ECI1: variants seen among roughly 807,000 people sequenced by gnomAD.
The protein encoded by ECI1 is enoyl-CoA delta isomerase 1.
A neutral mutation model predicts 34.2 loss-of-function variants in ECI1; 34 were observed. That is an observed-to-expected ratio of 1.00 (90% CI 0.76 to 1.33). ECI1 has a LOEUF of 1.33. Among genes scored for constraint, ECI1 ranks in the 40% most tolerant of loss-of-function variants. The pLI, the probability that ECI1 is intolerant of heterozygous loss-of-function variation, is 0.00. For missense variants in ECI1, 456 were observed against 422.2 expected, an observed-to-expected ratio of 1.08 and a Z score of -0.70; for synonymous variants, 211 against 193.0, an observed-to-expected ratio of 1.09 and a Z score of -0.77.
In ECI1 at chr16:2,239,609, C is replaced by A; in HGVS notation, c.*370G>T. On this transcript the variant is annotated 3_prime_UTR_variant, in exon 7 of 7. Transcript: ENST00000301729. ...TGTGGGTCATGGGGGCCAAGACCAC[C>A]TGGCCTTACACCTAAGAGCAGGCAG... The A allele has an allele frequency of 2.8e-6, 1 of 353,792 alleles. No individual in the cohort carries two copies. Among genetic ancestry groups the A allele is most frequent in the South Asian group, 2.3e-5 (1 of 44,218 alleles). 21.9% of individuals were successfully genotyped at this position (353,792 alleles called of 1,614,324 possible).
intron 6 of ECI1, chr16:2,240,746 G>C (rs2141494234): frequency 6.5e-6 from 1 of 152,786 alleles, no homozygotes; most frequent in Middle Eastern, 3.4e-3. Context: ...ACCCAGGCTG[G>C]ACTACAGTGG....
At position 2,244,543 on chromosome 16, in the gene ECI1, C is replaced by A; in HGVS notation, c.304G>T (p.Gly102Cys). Residue 102 changes from glycine to cysteine, a missense_variant, in exon 4 of 7, where the codon GGT becomes TGT. By Grantham distance (159) the Gly-to-Cys change is radical. Transcript: ENST00000301729. ...RGVILTSDRP[G>C]VFSAGLDLTE... is the part of the protein sequence containing the mutation. Reference sequence around the variant, plus strand: ...AGGTCCAGGCCGGCCGAGAAGACACCCGGGCGGTCCTGCAGGGGGAGCCGG... The same window carrying A: ...AGGTCCAGGCCGGCCGAGAAGACACACGGGCGGTCCTGCAGGGGGAGCCGG... 6.3e-7 allele frequency: 1 copy of A among 1,586,234 alleles called. No individual in the cohort carries two copies. The highest frequency in any genetic ancestry group is 2.3e-5 in the East Asian group (1 of 43,458).
chr16:2,240,399 T>A, intron 6 of ECI1: 1 of 440,048 alleles, frequency 2.3e-6, no homozygotes, highest in Admixed American at 3.5e-5. Context: ...TTAGTAGAGA[T>A]GGGATTTCCT....
At chr16:2,247,654 T>C (rs1407660441) in intron 2 of ECI1, among the ~76,000 whole-genome samples, 1 of 152,198 alleles carries the variant, frequency 6.6e-6, no homozygotes, top group Non-Finnish European at 1.5e-5. Context: ...CGCCTCGGCC[T>C]CCCAAAGTGC....
rs1754565772 is a variant in ECI1, at chr16:2,243,116, G to A, written c.672C>T (p.Asp224=). ...GCACCTGCTCCTCCGGGACCACCTG[G>A]TCCACTATGCCCACCTGCAGGGCCT... ...PAEALQVGIV[D]QVVPEEQVQS... is the part of the protein sequence containing the mutation. The change falls in exon 6 of 7, where the codon GAC becomes GAT. Residue 224 remains aspartate (D), a synonymous_variant. Coordinates refer to ENST00000301729, the MANE Select transcript of ECI1 (RefSeq NM_001919.4). 6.2e-7 allele frequency: 1 copy of A among 1,606,140 alleles called. No homozygotes were observed. Among genetic ancestry groups the A allele is most frequent in the African/African-American group, 1.3e-5 (1 of 74,938 alleles).
chr16:2,247,055 C>T, intron 2 of ECI1, 69 bp from the exon 3 acceptor site: 2 of 1,559,782 alleles, frequency 1.3e-6, no homozygotes, highest in Non-Finnish European at 1.8e-6. Flanking sequence ...AGCCTGCACC[C>T]TCAACTAAGC....
Position 2,251,328 on chromosome 16 carries a change from C to A in ECI1, c.154G>T (p.Asp52Tyr). 11 of 1,231,548 alleles carry A rather than the reference C, an allele frequency of 8.9e-6. No individual in the cohort carries two copies. The highest frequency in any genetic ancestry group is 3.0e-5 in the South Asian group (1 of 33,862). The allele number at this position is 1,231,548 out of a possible 1,614,324, so 76.3% of individuals were successfully genotyped here. ...FGSQRVLVEP[D>Y]AGAGVAVMKF... ...GCCGCCCGCTCACCTGCGCCCGCGTCCGGCTCCACCAGCACCCGCTGGCTC... is the reference window on the plus strand; with the variant it reads ...GCCGCCCGCTCACCTGCGCCCGCGTACGGCTCCACCAGCACCCGCTGGCTC... The change falls in exon 2 of 7, where the codon GAC becomes TAC. Residue 52 changes from aspartate to tyrosine, a missense_variant. Transcript: ENST00000301729.
chr16:2,243,527 C>G, intron 4 of ECI1, 88 bp from the exon 5 acceptor site: 1 of 1,541,010 alleles, frequency 6.5e-7, no homozygotes, highest in Non-Finnish European at 8.8e-7. Context: ...AGGGCCTGTG[C>G]CCTTGGCGCA....
chr16:2,250,831 ATTTAT>A (rs968844484), intron 2 of ECI1, among the ~76,000 whole-genome samples: 2 of 151,952 alleles, frequency 1.3e-5, no homozygotes, highest in Non-Finnish European at 2.9e-5. Flanking sequence ...TTATTTATTT[ATTTAT>A]TTTGAGACGG....
chr16:2,251,482 CGGCCCG>C, intron 1 of ECI1, 27 bp downstream of exon 1: 1 of 1,549,598 alleles, frequency 6.5e-7, no homozygotes, highest in Non-Finnish European at 8.7e-7. Flanking sequence ...GCCCCGGCCC[CGGCCCG>C]ATCCCTGCCC....
Position 2,246,956 on chromosome 16 carries a change from G to C in ECI1, c.197C>G (p.Pro66Arg). ...AAACTCCAGGCTCAGGCTGTTCACTGGGGGGTTCTTGAATTTCATCACAGC... is the reference window on the plus strand; with the variant it reads ...AAACTCCAGGCTCAGGCTGTTCACTCGGGGGTTCTTGAATTTCATCACAGC... ...GVAVMKFKNP[P>R]VNSLSLEFLT... The change falls in exon 3 of 7, where the codon CCA becomes CGA. Residue 66 changes from proline to arginine, a missense_variant. By Grantham distance (103) the Pro-to-Arg change is moderately radical. Transcript: ENST00000301729. 1 of 1,613,594 alleles carries C rather than the reference G, an allele frequency of 6.2e-7. No homozygotes were observed. Among genetic ancestry groups the C allele is most frequent in the Non-Finnish European group, 8.5e-7 (1 of 1,179,946 alleles).
intron 2 of ECI1, among the ~76,000 whole-genome samples, chr16:2,247,189 C>T (rs552063679): frequency 1.2e-4 from 19 of 152,230 alleles, no homozygotes; most frequent in African/African-American, 9.6e-5. Flanking sequence ...CTCTGCCTTC[C>T]GGGTTCACAC....
chr16:2,240,524 G>T lies in ECI1; in HGVS notation c.743-379C>A, dbSNP rs567992338. The T allele has an allele frequency of 1.3e-3, 353 of 265,464 alleles. 1 individual carries two copies. The highest frequency in any genetic ancestry group is 5.3e-3 in the African/African-American group (231 of 43,966). The allele number at this position is 265,464 out of a possible 1,614,324, so 16.4% of individuals were successfully genotyped here. ...GCACGCCCGGCCCTAATTTTTTTTTGTTTTGTTTTGTTTTTAAAGAGACAG... is the reference window on the plus strand; with the variant it reads ...GCACGCCCGGCCCTAATTTTTTTTTTTTTTGTTTTGTTTTTAAAGAGACAG... On this transcript the variant is annotated intron_variant, in intron 6 of 6. Transcript: ENST00000301729.
intron 6 of ECI1, 93 bp from the exon 7 acceptor site, chr16:2,240,238 G>A (rs1377396851): frequency 1.5e-6 from 2 of 1,377,654 alleles, no homozygotes; most frequent in Non-Finnish European, 2.0e-6. Context: ...TTGAGACGGA[G>A]TCTTGCTCTG....
rs869259386 is a variant in ECI1 at position 2,249,876 on chromosome 16, C to CAAA, written c.166+1437_166+1439dup. Among the ~76,000 whole-genome samples the CAAA allele has an allele frequency of 9.3e-3, 190 of 20,348 alleles. 55 individuals carry two copies. The highest frequency in any genetic ancestry group is 0.011 in the Non-Finnish European group (141 of 13,176). The allele number at this position is 20,348 out of a possible 152,430, so 13.3% of individuals were successfully genotyped here. Reference sequence around the variant, plus strand: ...CTGGCGACAGAGCAAGACTCCGTCTCAAAAAAAAAAAAAAAAAAAAAAAAA... The same window carrying CAAA: ...CTGGCGACAGAGCAAGACTCCGTCTCAAAAAAAAAAAAAAAAAAAAAAAAAAAA... On this transcript the variant is annotated intron_variant, in intron 2 of 6. Transcript: ENST00000301729.
At chr16:2,243,543 A>T (rs2093533418) in intron 4 of ECI1, 104 bp from the exon 5 acceptor site, 1 of 1,439,612 alleles carries the variant, frequency 6.9e-7, no homozygotes, top group African/African-American at 1.4e-5. Context: ...GCGCACCCCG[A>T]CCCCCGCAGG....
At position 2,239,585 on chromosome 16, in the gene ECI1, G is replaced by T. The variant is rs2093522897; in HGVS notation, c.*394C>A. The T allele has an allele frequency of 9.7e-5, 33 of 339,496 alleles. No individual in the cohort carries two copies. The highest frequency in any genetic ancestry group is 7.8e-4 in the South Asian group (32 of 41,280). The allele number at this position is 339,496 out of a possible 1,614,324, so 21.0% of individuals were successfully genotyped here. ...AGGGCTTTTCCCTGGGGAGTTCTGT[G>T]TGGGTCATGGGGGCCAAGACCACCT... On this transcript the variant is annotated 3_prime_UTR_variant, in exon 7 of 7. Coordinates refer to ENST00000301729, the MANE Select transcript of ECI1 (RefSeq NM_001919.4).
chr16:2,250,446 G>T (rs995898217), intron 2 of ECI1, among the ~76,000 whole-genome samples: 5 of 152,088 alleles, frequency 3.3e-5, no homozygotes, highest in African/African-American at 4.8e-5. Flanking sequence ...GAGTCTGGGG[G>T]GTTGGGGAGG....
At chr16:2,244,243 C>A in intron 4 of ECI1, 163 bp downstream of exon 4, 2 of 847,936 alleles carry the variant, frequency 2.4e-6, no homozygotes, top group Non-Finnish European at 3.7e-6. Context: ...CCTTTCTCAA[C>A]ACGCCCCGTG....
Sources: gnomAD v4.1 joint callset for allele counts (sites outside exome capture counted in the v4.1 genomes callset) on GRCh38, gnomAD v4.1.1 for gene constraint, MANE v1.5 for transcripts, NCBI Gene and HGNC (gene_info 2026-07-23, HGNC 2026-07-21) for gene names.